Variants in DCC observed in about 807,000 individuals in gnomAD.
The protein encoded by DCC is netrin receptor DCC.
Under a neutral mutation model 172.5 loss-of-function variants are expected in DCC, and 58 were observed. The ratio of observed to expected loss-of-function variants is 0.34; its 90% CI spans 0.27 to 0.42. The LOEUF is 0.42. Ranked by LOEUF, DCC falls within the 10% of genes least tolerant of loss-of-function variation. DCC has a pLI of 1.00. For missense variants in DCC, 1,740 were observed against 1,791.0 expected, an observed-to-expected ratio of 0.97 and a Z score of 0.51; for synonymous variants, 709 against 644.5, an observed-to-expected ratio of 1.10 and a Z score of -1.52.
At chr18:53,190,075 C>T (rs1378161021) in intron 9 of DCC, among the ~76,000 whole-genome samples, 4 of 152,138 alleles carry the variant, frequency 2.6e-5, no homozygotes, top group East Asian at 3.9e-4. Flanking sequence ...TACAGGCATG[C>T]GCCACCACGC....
At chr18:53,208,105 GTTT>G (rs141875005) in intron 11 of DCC, among the ~76,000 whole-genome samples, 2 of 127,122 alleles carry the variant, frequency 1.6e-5, no homozygotes, top group African/African-American at 2.9e-5. Context: ...CTCTGTAAAT[GTTT>G]TTTTTTTTTT....
intron 2 of DCC, among the ~76,000 whole-genome samples, chr18:52,790,760 C>T (rs1018572620): frequency 1.3e-5 from 2 of 152,146 alleles, no homozygotes; most frequent in South Asian, 4.1e-4. Context: ...TTGCTCATCT[C>T]CAAAATTCTC....
chr18:53,218,917 T>G (rs2055891696), intron 12 of DCC, among the ~76,000 whole-genome samples: 1 of 152,164 alleles, frequency 6.6e-6, no homozygotes. Context: ...TGCAGAGAGC[T>G]AATGTTGGGG....
At chr18:52,540,913 C>T (rs1280257858) in intron 1 of DCC, among the ~76,000 whole-genome samples, 2 of 151,958 alleles carry the variant, frequency 1.3e-5, no homozygotes, top group Admixed American at 6.6e-5. Context: ...GCCTCAACTG[C>T]CTTTTATTAG....
intron 1 of DCC, among the ~76,000 whole-genome samples, chr18:52,602,305 A>G (rs372704066): frequency 6.6e-6 from 1 of 151,966 alleles, no homozygotes; most frequent in South Asian, 2.1e-4. Flanking sequence ...GTATTTTTAT[A>G]CAATGTAGAT....
chr18:53,283,044 A>C (rs1304916688), intron 12 of DCC, among the ~76,000 whole-genome samples: 1 of 152,236 alleles, frequency 6.6e-6, no homozygotes, highest in Admixed American at 6.6e-5. Context: ...AGAAGGAATC[A>C]GTAAGTCAGC....
intron 7 of DCC, among the ~76,000 whole-genome samples, chr18:53,156,894 A>T (rs2054745946): frequency 6.6e-6 from 1 of 152,204 alleles, no homozygotes; most frequent in African/African-American, 2.4e-5. Context: ...GGAAATATTA[A>T]TTACTTAAAA....
At chr18:53,364,363 T>C (rs945587984) in intron 15 of DCC, among the ~76,000 whole-genome samples, 40 of 151,404 alleles carry the variant, frequency 2.6e-4, no homozygotes, top group African/African-American at 9.7e-4. Context: ...ATTGCCCCTG[T>C]TTTTTTCAGG....
intron 2 of DCC, among the ~76,000 whole-genome samples, chr18:52,886,451 T>C (rs1260897605): frequency 2.0e-5 from 3 of 152,002 alleles, no homozygotes; most frequent in Non-Finnish European, 4.4e-5. Context: ...CAGCACTGAG[T>C]TCAATGTAAA....
chr18:53,179,814 T>C (rs1326330433), intron 9 of DCC, among the ~76,000 whole-genome samples: 2 of 152,234 alleles, frequency 1.3e-5, no homozygotes, highest in African/African-American at 4.8e-5. Context: ...TTCTAATGTT[T>C]TTTGAAAAGA....
intron 1 of DCC, among the ~76,000 whole-genome samples, chr18:52,563,393 A>G (rs2033084192): frequency 6.6e-6 from 1 of 152,136 alleles, no homozygotes; most frequent in Admixed American, 6.6e-5. Flanking sequence ...ACCAGAGACA[A>G]TTTGCCAAAT....
intron 1 of DCC, among the ~76,000 whole-genome samples, chr18:52,350,531 T>G (rs527943792): frequency 5.9e-4 from 90 of 151,306 alleles, no homozygotes; most frequent in African/African-American, 2.1e-3. Flanking sequence ...TACTGGGGAG[T>G]TGGGGGCTAG....
intron 1 of DCC, among the ~76,000 whole-genome samples, chr18:52,673,993 C>T (rs2035603122): frequency 6.6e-6 from 1 of 152,092 alleles, no homozygotes; most frequent in Admixed American, 6.6e-5. Context: ...CTCAAAGAGG[C>T]TAGACTGGGC....
At chr18:52,370,549 ACT>A (rs1309806795) in intron 1 of DCC, among the ~76,000 whole-genome samples, 1 of 152,004 alleles carries the variant, frequency 6.6e-6, no homozygotes, top group Non-Finnish European at 1.5e-5. Flanking sequence ...AACAATACAC[ACT>A]CAGGCCTGTC....
chr18:52,782,647 T>G (rs2145188844), intron 2 of DCC, among the ~76,000 whole-genome samples: 1 of 152,206 alleles, frequency 6.6e-6, no homozygotes, highest in African/African-American at 2.4e-5. Flanking sequence ...TCTTTCTTCC[T>G]CCATGTGTAT....
chr18:53,504,873 T>A (rs534547918), intron 27 of DCC, among the ~76,000 whole-genome samples: 1 of 152,308 alleles, frequency 6.6e-6, no homozygotes, highest in South Asian at 2.1e-4. Flanking sequence ...AGGTCAACAA[T>A]TGAGGTGACA....
intron 7 of DCC, among the ~76,000 whole-genome samples, chr18:53,112,011 T>C (rs749598977): frequency 1.3e-5 from 2 of 151,530 alleles, no homozygotes; most frequent in Non-Finnish European, 3.0e-5. Context: ...TCTGAGTGGA[T>C]ACTGGAGACT....
At chr18:53,485,468 A>G (rs1019305805) in intron 25 of DCC, among the ~76,000 whole-genome samples, 2 of 152,114 alleles carry the variant, frequency 1.3e-5, no homozygotes, top group East Asian at 3.9e-4. Flanking sequence ...TTATCTTTAA[A>G]TGATTTATAT....
At chr18:52,492,197 G>A (rs1247046593) in intron 1 of DCC, among the ~76,000 whole-genome samples, 1 of 151,942 alleles carries the variant, frequency 6.6e-6, no homozygotes, top group Admixed American at 6.6e-5. Context: ...TGATTGCCTT[G>A]ATAAGAAACT....
Sources: gnomAD v4.1 joint callset for allele counts (sites outside exome capture counted in the v4.1 genomes callset) on GRCh38, gnomAD v4.1.1 for gene constraint, MANE v1.5 for transcripts, NCBI Gene and HGNC (gene_info 2026-07-23, HGNC 2026-07-21) for gene names.